Variants in TNRC6A observed in about 807,000 individuals in gnomAD.
TNRC6A encodes the protein trinucleotide repeat containing adaptor 6A, also known as trinucleotide repeat-containing gene 6A protein.
TNRC6A carries 44 observed loss-of-function variants against 221.2 expected under a neutral mutation model. The ratio of observed to expected loss-of-function variants is 0.20; its 90% CI spans 0.16 to 0.26. The LOEUF (loss-of-function observed/expected upper bound fraction) is 0.26, where lower values mean the gene tolerates loss of function less well. Ranked by LOEUF, TNRC6A falls within the 10% of genes least tolerant of loss-of-function variation. The pLI, the probability that TNRC6A is intolerant of heterozygous loss-of-function variation, is 1.00. For synonymous variants in TNRC6A, 847 were observed against 838.5 expected, an observed-to-expected ratio of 1.01 and a Z score of -0.18; for missense variants, 2,199 against 2,404.4, an observed-to-expected ratio of 0.91 and a Z score of 1.79.
At chr16:24,778,222 C>T (rs1210669082) in intron 5 of TNRC6A, 6 of 922,724 alleles carry the variant, frequency 6.5e-6, no homozygotes, top group Non-Finnish European at 7.8e-6. Flanking sequence ...TACTTAATTG[C>T]TCTATGTGCC....
chr16:24,652,707 AAG>A (rs1902740186), intron 2 of TNRC6A, among the ~76,000 whole-genome samples: 1 of 152,178 alleles, frequency 6.6e-6, no homozygotes, highest in Non-Finnish European at 1.5e-5. Context: ...AAGACGGAAT[AAG>A]AGGGGGAAAG....
At position 24,758,326 on chromosome 16, in the gene TNRC6A, GT is replaced by G. The variant is rs1567431985; in HGVS notation, c.142-8del. ...TATTTACATTGTTTTTTGTTTGTTT[GT>G]TTTTATTTTAGGCCACTGAACAAAA... On this transcript the variant is annotated splice_polypyrimidine_tract_variant and intron_variant, in intron 3 of 24. Coordinates refer to ENST00000395799, the MANE Select transcript of TNRC6A (RefSeq NM_014494.4). The G allele has an allele frequency of 1.2e-6, 2 of 1,604,656 alleles. No individual in the cohort carries two copies. The highest frequency in any genetic ancestry group is 1.7e-6 in the Non-Finnish European group (2 of 1,172,776).
intron 2 of TNRC6A, chr16:24,641,100 C>T (rs1901926527): frequency 6.6e-6 from 1 of 152,316 alleles, no homozygotes; most frequent in Non-Finnish European, 1.5e-5. Context: ...GAAACATCCA[C>T]TCAAAATTCT....
At chr16:24,755,595 C>T (rs1275379919) in intron 3 of TNRC6A, among the ~76,000 whole-genome samples, 1 of 152,212 alleles carries the variant, frequency 6.6e-6, no homozygotes, top group African/African-American at 2.4e-5. Context: ...CATGGTCACA[C>T]AGTGTAAGTG....
intron 2 of TNRC6A, among the ~76,000 whole-genome samples, chr16:24,680,083 G>A (rs866430800): frequency 7.9e-5 from 12 of 151,996 alleles, no homozygotes; most frequent in Non-Finnish European, 4.4e-5. Flanking sequence ...ATTTCCTGGG[G>A]GTGCTTAAGA....
intron 2 of TNRC6A, among the ~76,000 whole-genome samples, chr16:24,708,568 T>C (rs1309486758): frequency 6.6e-6 from 1 of 152,220 alleles, no homozygotes; most frequent in East Asian, 1.9e-4. Flanking sequence ...TGGTGAATTC[T>C]GAGACTTTGG....
Position 24,815,287 on chromosome 16 carries a change from A to C in TNRC6A, c.4813A>C (p.Ser1605Arg). The C allele has an allele frequency of 1.2e-6, 2 of 1,614,232 alleles. No individual in the cohort carries two copies. The highest frequency in any genetic ancestry group is 1.7e-6 in the Non-Finnish European group (2 of 1,180,038). Residue 1605 changes from serine (S) to arginine (R), a missense_variant, in exon 19 of 25, where the codon AGT (serine) becomes CGT (arginine). Physicochemically the swap from Ser to Arg is moderately radical, Grantham distance 110. Around this residue, in one of 8 missense-constraint regions of TNRC6A, gnomAD observed 449 missense variants for 579.7 expected, o/e 0.77. Transcript: ENST00000395799. The part of the protein sequence containing the change: ...PRAKSPNGSS[S>R]VNWPPEFRPG... ...TGCCAAATCGCCTAACGGCTCTAGCAGTGTTAATTGGCCACCAGGTAAAAT... is the reference window on the plus strand; with the variant it reads ...TGCCAAATCGCCTAACGGCTCTAGCCGTGTTAATTGGCCACCAGGTAAAAT...
At chr16:24,733,259 T>C (rs942105654) in intron 2 of TNRC6A, among the ~76,000 whole-genome samples, 7 of 152,206 alleles carry the variant, frequency 4.6e-5, no homozygotes, top group Non-Finnish European at 1.5e-5. Context: ...CCCTATTATG[T>C]AGATCCTCAA....
At chr16:24,756,220 T>C (rs2057246938) in intron 3 of TNRC6A, among the ~76,000 whole-genome samples, 1 of 152,220 alleles carries the variant, frequency 6.6e-6, no homozygotes, top group South Asian at 2.1e-4. Context: ...TTTGCTCATC[T>C]CAGTTCAGAC....
chr16:24,637,739 C>A (rs182295706), intron 1 of TNRC6A, among the ~76,000 whole-genome samples: 7 of 152,234 alleles, frequency 4.6e-5, no homozygotes, highest in Admixed American at 2.0e-4. Flanking sequence ...ATGAAAGAAG[C>A]AAGGCACGTA....
chr16:24,816,548 T>C, intron 19 of TNRC6A: 1 of 346,804 alleles, frequency 2.9e-6, no homozygotes, highest in Non-Finnish European at 5.2e-6. Context: ...CACACACAAG[T>C]ACGTATGTGT....
chr16:24,681,626 A>G (rs2055535655), intron 2 of TNRC6A, among the ~76,000 whole-genome samples: 1 of 152,148 alleles, frequency 6.6e-6, no homozygotes, highest in African/African-American at 2.4e-5. Context: ...ATGTCATTCC[A>G]TTGTATACAT....
intron 2 of TNRC6A, among the ~76,000 whole-genome samples, chr16:24,678,296 G>C (rs940344807): frequency 8.1e-5 from 12 of 147,930 alleles, no homozygotes; most frequent in African/African-American, 3.0e-4. Flanking sequence ...AGGCAATAGA[G>C]TGAGACCCTG....
At chr16:24,680,610 G>A (rs1596662278) in intron 2 of TNRC6A, among the ~76,000 whole-genome samples, 1 of 151,614 alleles carries the variant, frequency 6.6e-6, no homozygotes, top group East Asian at 1.9e-4. Flanking sequence ...CCAGATACTT[G>A]GGAGGCTGAG....
intron 2 of TNRC6A, among the ~76,000 whole-genome samples, chr16:24,733,987 C>A (rs1253761789): frequency 6.6e-6 from 1 of 152,104 alleles, no homozygotes; most frequent in African/African-American, 2.4e-5. Flanking sequence ...GCCTGTGCAA[C>A]ATGATAAGAC....
intron 1 of TNRC6A, among the ~76,000 whole-genome samples, chr16:24,619,199 T>C (rs1458750153): frequency 6.6e-6 from 1 of 152,206 alleles, no homozygotes; most frequent in Non-Finnish European, 1.5e-5. Context: ...TGAGTATCCA[T>C]AGACAATATC....
At chr16:24,637,577 T>C (rs929589982) in intron 1 of TNRC6A, among the ~76,000 whole-genome samples, 1 of 152,026 alleles carries the variant, frequency 6.6e-6, no homozygotes, top group African/African-American at 2.4e-5. Flanking sequence ...GGAAATGTTA[T>C]TGGAAGTGAG....
In TNRC6A at chr16:24,729,852, C is replaced by G; in HGVS notation, c.5+6C>G. ...GTGCACTTTACACACATGAGGTGAG[C>G]GGAACAAGGGCCTCCCTCCGGGCGG... On this transcript the variant is annotated splice_donor_region_variant and intron_variant, in intron 1 of 24. Transcript: ENST00000395799. 7.3e-7 allele frequency: 1 copy of G among 1,361,042 alleles called. No individual in the cohort carries two copies. The highest frequency in any genetic ancestry group is 1.8e-5 in the South Asian group (1 of 54,494). 84.3% of individuals were successfully genotyped at this position (1,361,042 alleles called of 1,614,324 possible). A position where few individuals can be genotyped will look rare whatever the true frequency, so the allele number is the denominator to read the frequency against.
intron 2 of TNRC6A, among the ~76,000 whole-genome samples, chr16:24,648,303 G>A (rs1024111606): frequency 6.7e-5 from 3 of 44,918 alleles, no homozygotes; most frequent in South Asian, 8.0e-4. Context: ...ATGGAGTCTC[G>A]CTCTGTCGCC....
Sources: gnomAD v4.1 joint callset for allele counts (sites outside exome capture counted in the v4.1 genomes callset) on GRCh38, gnomAD v4.1.1 for gene constraint, gnomAD v4.1.1 regional missense constraint, MANE v1.5 for transcripts, NCBI Gene and HGNC (gene_info 2026-07-23, HGNC 2026-07-21) for gene names.